The following SRD5A2 variants were observed in gnomAD, a reference collection of about 807,000 sequenced individuals.
The protein encoded by SRD5A2 is 3-oxo-5-alpha-steroid 4-dehydrogenase 2.
In SRD5A2, 30 loss-of-function variants were observed where a neutral mutation model predicts 27.4. That is an observed-to-expected ratio of 1.10 (90% CI 0.82 to 1.49). The LOEUF (loss-of-function observed/expected upper bound fraction) is 1.49, where lower values mean the gene tolerates loss of function less well. SRD5A2 is among the 40% of genes most tolerant of loss of function. The probability of loss-of-function intolerance (pLI) is 0.00; values close to 1 mark genes in which losing one functional copy is unlikely to be tolerated. For synonymous variants in SRD5A2, 141 were observed against 133.6 expected (o/e 1.06, Z -0.38); for missense variants, 348 against 323.4 (o/e 1.08, Z -0.58).
chr2:31,592,572 C>T, the SRD5A2 span, among the ~76,000 whole-genome samples: 1 of 152,176 alleles, frequency 6.6e-6, no homozygotes, highest in Admixed American at 6.5e-5. Context: ...CCAGTAGTCC[C>T]ACTGGGTGGC....
the SRD5A2 span, among the ~76,000 whole-genome samples, chr2:31,590,267 A>G: frequency 6.6e-6 from 1 of 151,994 alleles, no homozygotes; most frequent in Non-Finnish European, 1.5e-5. Context: ...AAACCCGAGT[A>G]CTAATCCTGG....
At chr2:31,527,943 A>G (rs1476670228) in intron 4 of SRD5A2, among the ~76,000 whole-genome samples, 8 of 152,238 alleles carry the variant, frequency 5.3e-5, no homozygotes, top group Non-Finnish European at 4.4e-5. Context: ...GAGTATCCAT[A>G]GTCTCCAGTA....
At chr2:31,549,762 A>G (rs1666347040) in intron 1 of SRD5A2, among the ~76,000 whole-genome samples, 4 of 152,210 alleles carry the variant, frequency 2.6e-5, no homozygotes, top group Non-Finnish European at 5.9e-5. Context: ...AGGAAAAATA[A>G]ATAGATCTAC....
upstream of SRD5A2, among the ~76,000 whole-genome samples, chr2:31,584,069 G>A (rs552603103): frequency 6.6e-6 from 1 of 152,266 alleles, no homozygotes; most frequent in South Asian, 2.1e-4. Context: ...GCTGATTAGG[G>A]CAGGAGAATA....
intron 1 of SRD5A2, among the ~76,000 whole-genome samples, chr2:31,571,107 C>G (rs1273803351): frequency 6.6e-6 from 1 of 152,154 alleles, no homozygotes; most frequent in East Asian, 1.9e-4. Context: ...CACCACATTA[C>G]CTGACTTCAA....
At chr2:31,549,923 AAAC>A (rs1461156638) in intron 1 of SRD5A2, among the ~76,000 whole-genome samples, 1 of 152,190 alleles carries the variant, frequency 6.6e-6, no homozygotes, top group East Asian at 1.9e-4. Flanking sequence ...ACACAGCATC[AAAC>A]AACAGCAGAA....
chr2:31,548,197 G>C (rs1666303449), intron 1 of SRD5A2, among the ~76,000 whole-genome samples: 2 of 152,002 alleles, frequency 1.3e-5, no homozygotes, highest in Non-Finnish European at 2.9e-5. Flanking sequence ...GTGATTTCTT[G>C]GATATGCTAC....
chr2:31,530,816 C>T (rs1248241478), intron 3 of SRD5A2, among the ~76,000 whole-genome samples: 1 of 152,162 alleles, frequency 6.6e-6, no homozygotes, highest in East Asian at 1.9e-4. Context: ...GTTAGGATTA[C>T]AAACATGCTC....
chr2:31,571,857 G>A (rs1666855095), intron 1 of SRD5A2, among the ~76,000 whole-genome samples: 1 of 152,112 alleles, frequency 6.6e-6, no homozygotes. Flanking sequence ...CTATTAAAAA[G>A]TCAAAAATAA....
At chr2:31,611,107 TA>T in the SRD5A2 span, among the ~76,000 whole-genome samples, 1 of 151,918 alleles carries the variant, frequency 6.6e-6, no homozygotes, top group Non-Finnish European at 1.5e-5. Flanking sequence ...AGACTCCATC[TA>T]AAAAAATAAT....
chr2:31,609,799 C>A, the SRD5A2 span, among the ~76,000 whole-genome samples: 1 of 151,856 alleles, frequency 6.6e-6, no homozygotes, highest in Non-Finnish European at 1.5e-5. Flanking sequence ...AGATGGCCCA[C>A]AAAATGGGAG....
chr2:31,580,981 G>A, upstream of SRD5A2: 4 of 1,438,284 alleles, frequency 2.8e-6, no homozygotes, highest in Non-Finnish European at 3.7e-6. Flanking sequence ...AGCGCCAGAC[G>A]CCACCCGTGT....
chr2:31,598,549 A>AT, the SRD5A2 span, among the ~76,000 whole-genome samples: 54 of 152,082 alleles, frequency 3.6e-4, no homozygotes, highest in African/African-American at 1.2e-3. Context: ...TATTAGTTTT[A>AT]TTTTTTTGCT....
At chr2:31,536,462 G>A (rs1666029193) in intron 1 of SRD5A2, among the ~76,000 whole-genome samples, 2 of 152,172 alleles carry the variant, frequency 1.3e-5, no homozygotes, top group Non-Finnish European at 2.9e-5. Flanking sequence ...TTTTCTTAAT[G>A]ACCATGCTTC....
chr2:31,626,010 ATTTG>A, the SRD5A2 span, among the ~76,000 whole-genome samples: 2 of 152,104 alleles, frequency 1.3e-5, no homozygotes. Context: ...ATGTTCTTCC[ATTTG>A]TTTGTGTCCT....
At chr2:31,614,296 T>G in the SRD5A2 span, among the ~76,000 whole-genome samples, 55 of 152,352 alleles carry the variant, frequency 3.6e-4, no homozygotes, top group Non-Finnish European at 7.5e-4. Flanking sequence ...ACACAGGGAC[T>G]GCAGGTCCCA....
the SRD5A2 span, among the ~76,000 whole-genome samples, chr2:31,613,961 C>T: frequency 6.6e-6 from 1 of 152,176 alleles, no homozygotes; most frequent in African/African-American, 2.4e-5. Flanking sequence ...CACCTGGCCC[C>T]ACCCTTGACA....
At chr2:31,660,316 C>A in the SRD5A2 span, among the ~76,000 whole-genome samples, 2 of 152,046 alleles carry the variant, frequency 1.3e-5, no homozygotes, top group Admixed American at 6.6e-5. Flanking sequence ...GGAATGCACT[C>A]TATAACAACC....
chr2:31,601,714 T>G, the SRD5A2 span, among the ~76,000 whole-genome samples: 1 of 152,046 alleles, frequency 6.6e-6, no homozygotes, highest in Non-Finnish European at 1.5e-5. Context: ...TCATCCACCA[T>G]AGTCAAGTAG....
Sources: allele counts gnomAD v4.1 joint callset (sites outside exome capture counted in the v4.1 genomes callset), GRCh38; gene constraint gnomAD v4.1.1; transcripts MANE v1.5; gene names NCBI Gene and HGNC (gene_info 2026-07-23, HGNC 2026-07-21).